The following RALYL variants were observed in gnomAD, a reference collection of about 807,000 sequenced individuals.
RALYL encodes RNA-binding Raly-like protein.
In RALYL, 29 loss-of-function variants were observed where a neutral mutation model predicts 35.1. The ratio of observed to expected loss-of-function variants is 0.83; its 90% CI spans 0.61 to 1.13. The LOEUF is 1.13. RALYL is among the 50% of genes most tolerant of loss of function. RALYL has a pLI of 0.00. For missense variants in RALYL, 359 were observed against 360.4 expected (o/e 1.00, Z 0.03); for synonymous variants, 120 against 127.6 (o/e 0.94, Z 0.40).
In RALYL at chr8:84,504,870, T is replaced by G. The variant is rs187115405; in HGVS notation, c.-23-24429T>G. On this transcript the variant is annotated intron_variant, in intron 1 of 8. Transcript: ENST00000521268. ...GGAGTAAAGGCAGAATACTTCAGTA[T>G]GTATACTCTTGGCCCCAGGGTCACA... 4.0e-3 allele frequency among the ~76,000 whole-genome samples: 604 copies of G among 152,262 alleles called. 3 individuals are homozygous for G. The highest frequency in any genetic ancestry group is 5.0e-3 in the Non-Finnish European group (340 of 68,020).
chr8:84,464,120 C>T (rs1432590516), intron 1 of RALYL, among the ~76,000 whole-genome samples: 5 of 146,044 alleles, frequency 3.4e-5, no homozygotes, highest in Admixed American at 7.0e-5. Flanking sequence ...TATTTAAAAA[C>T]ATTAAAACAA....
intron 1 of RALYL, among the ~76,000 whole-genome samples, chr8:84,448,913 A>C (rs185346942): frequency 6.6e-6 from 1 of 152,094 alleles, no homozygotes; most frequent in Admixed American, 6.6e-5. Flanking sequence ...AACAAAACAA[A>C]GCAAAAAACC....
intron 2 of RALYL, among the ~76,000 whole-genome samples, chr8:84,596,226 A>T (rs950033244): frequency 6.6e-6 from 1 of 152,054 alleles, no homozygotes; most frequent in Admixed American, 6.6e-5. Flanking sequence ...CCCCTTGCCC[A>T]TTTATCCAAA....
chr8:84,617,775 C>G (rs1271022270), intron 2 of RALYL, among the ~76,000 whole-genome samples: 2 of 151,328 alleles, frequency 1.3e-5, no homozygotes, highest in Non-Finnish European at 2.9e-5. Context: ...CCATCAATAC[C>G]TAATTTATTG....
chr8:84,808,753 A>T (rs1210740944), intron 4 of RALYL, among the ~76,000 whole-genome samples: 4 of 151,496 alleles, frequency 2.6e-5, no homozygotes, highest in Non-Finnish European at 5.9e-5. Flanking sequence ...AGTATTTTAA[A>T]TTTTTTTGCA....
At chr8:84,346,493 G>A (rs1849860037) in intron 1 of RALYL, among the ~76,000 whole-genome samples, 1 of 152,040 alleles carries the variant, frequency 6.6e-6, no homozygotes, top group African/African-American at 2.4e-5. Flanking sequence ...TTTTGAGATG[G>A]AGTCTCACTC....
intron 2 of RALYL, among the ~76,000 whole-genome samples, chr8:84,548,974 C>G (rs1021128779): frequency 6.6e-6 from 1 of 152,152 alleles, no homozygotes; most frequent in African/African-American, 2.4e-5. Flanking sequence ...TTTTTATGTA[C>G]TCGCAAATTG....
At chr8:84,428,087 C>A (rs1445753031) in intron 1 of RALYL, among the ~76,000 whole-genome samples, 2 of 127,210 alleles carry the variant, frequency 1.6e-5, no homozygotes, top group Admixed American at 1.6e-4. Context: ...GTCTCTCTCT[C>A]TCTCTCTCTC....
intron 2 of RALYL, among the ~76,000 whole-genome samples, chr8:84,568,239 C>T (rs2061932254): frequency 7.4e-6 from 1 of 135,010 alleles, no homozygotes; most frequent in Non-Finnish European, 1.6e-5. Flanking sequence ...GTGATGTTCC[C>T]CTTCCTGTGT....
At chr8:84,912,213 A>C (rs1587179592) in intron 8 of RALYL, among the ~76,000 whole-genome samples, 1 of 152,088 alleles carries the variant, frequency 6.6e-6, no homozygotes, top group African/African-American at 2.4e-5. Context: ...AACAAAAGAC[A>C]CTGCTATCAC....
At chr8:84,882,899 CT>C (rs1842405186) in intron 7 of RALYL, among the ~76,000 whole-genome samples, 1 of 151,968 alleles carries the variant, frequency 6.6e-6, no homozygotes, top group South Asian at 2.1e-4. Context: ...GAACAAGTTG[CT>C]TTATCTCTAC....
intron 8 of RALYL, among the ~76,000 whole-genome samples, chr8:84,917,893 A>G (rs1364697089): frequency 6.6e-6 from 1 of 152,060 alleles, no homozygotes; most frequent in Non-Finnish European, 1.5e-5. Flanking sequence ...GTTACTTAAA[A>G]ATTTGAATTG....
chr8:84,339,171 A>G (rs1198685287), intron 1 of RALYL, among the ~76,000 whole-genome samples: 1 of 151,934 alleles, frequency 6.6e-6, no homozygotes, highest in Non-Finnish European at 1.5e-5. Flanking sequence ...TTTTTGCATA[A>G]ATTGGAACCA....
intron 1 of RALYL, among the ~76,000 whole-genome samples, chr8:84,450,462 T>C (rs1293241740): frequency 1.3e-5 from 2 of 151,950 alleles, no homozygotes. Context: ...GTAGCAGTAC[T>C]CATTATGTCT....
intron 2 of RALYL, among the ~76,000 whole-genome samples, chr8:84,622,626 GTCTC>G (rs1821798649): frequency 6.6e-6 from 1 of 152,138 alleles, no homozygotes; most frequent in Non-Finnish European, 1.5e-5. Flanking sequence ...TTCCAGGGAA[GTCTC>G]TCTCAGAGGC....
intron 1 of RALYL, among the ~76,000 whole-genome samples, chr8:84,200,514 G>A (rs1816599412): frequency 6.6e-6 from 1 of 152,198 alleles, no homozygotes; most frequent in African/African-American, 2.4e-5. Context: ...TTTCCTTCAT[G>A]CAGTTTTTGC....
rs10094238 is a variant in RALYL, at chr8:84,921,204, A to G, written c.*293A>G. The G allele has an allele frequency of 0.28, 69,888 of 248,594 alleles. 10,899 individuals carry two copies. Among genetic ancestry groups the G allele is most frequent in the East Asian group, 0.6 (6,889 of 11,526 alleles). 15.4% of individuals were successfully genotyped at this position (248,594 alleles called of 1,614,324 possible). The stretch of plus-strand genomic sequence containing the variant: ...AAAGGCATTTATGAATGGTAAGGGA[A>G]ACACTATATACAAATGTATATTTGT... On this transcript the variant is annotated 3_prime_UTR_variant, in exon 9 of 9. Transcript: ENST00000521268.
At chr8:84,302,560 G>A (rs1273696301) in intron 1 of RALYL, among the ~76,000 whole-genome samples, 2 of 152,168 alleles carry the variant, frequency 1.3e-5, no homozygotes, top group African/African-American at 4.8e-5. Flanking sequence ...AATCCTGATT[G>A]CTGTAGTGCC....
At chr8:84,878,110 A>C (rs1476801914) in intron 7 of RALYL, among the ~76,000 whole-genome samples, 1 of 152,184 alleles carries the variant, frequency 6.6e-6, no homozygotes, top group Non-Finnish European at 1.5e-5. Context: ...AAATGGTTGA[A>C]AGTCTGTTTA....
Sources: gnomAD v4.1 joint callset for allele counts (sites outside exome capture counted in the v4.1 genomes callset) on GRCh38, gnomAD v4.1.1 for gene constraint, MANE v1.5 for transcripts, NCBI Gene and HGNC (gene_info 2026-07-23, HGNC 2026-07-21) for gene names.